Variants in RGS6 observed in about 807,000 individuals in gnomAD.
RGS6 encodes regulator of G-protein signaling 6.
A neutral mutation model predicts 78.5 loss-of-function variants in RGS6; 30 were observed. The ratio of observed to expected loss-of-function variants is 0.38; its 90% confidence interval spans 0.29 to 0.52. The LOEUF is 0.52. Among genes scored for constraint, RGS6 ranks in the 20% least tolerant of loss-of-function variants. RGS6 has a pLI of 0.85. For synonymous variants in RGS6, 206 were observed against 206.0 expected (o/e 1.00, Z 0.00); for missense variants, 495 against 609.7 (o/e 0.81, Z 1.98).
intron 2 of RGS6, among the ~76,000 whole-genome samples, chr14:72,190,035 A>T (rs2097302519): frequency 6.6e-6 from 1 of 152,160 alleles, no homozygotes; most frequent in South Asian, 2.1e-4. Flanking sequence ...ACTTTCCCAG[A>T]CAACCTATCC....
chr14:71,950,636 C>A (rs565984167), intron 1 of RGS6, among the ~76,000 whole-genome samples: 15 of 152,258 alleles, frequency 9.9e-5, no homozygotes, highest in African/African-American at 3.1e-4. Flanking sequence ...AGGCAGCCTA[C>A]AGAATGGGAG....
At chr14:72,069,423 C>G (rs1197417311) in intron 2 of RGS6, among the ~76,000 whole-genome samples, 1 of 152,182 alleles carries the variant, frequency 6.6e-6, no homozygotes, top group African/African-American at 2.4e-5. Context: ...AGTATCTTTT[C>G]TTCCTCCTAA....
rs150098812 is a variant in RGS6 at position 72,130,434 on chromosome 14, C to T, written c.84+165559C>T. ...AGGTCAGGGACAAGGTTGAAAGTTC[C>T]TCTAATTATGTATCCATGTGGCTGG... On this transcript the variant is annotated intron_variant, in intron 2 of 17. Coordinates refer to ENST00000553525, the MANE Select transcript of RGS6 (RefSeq NM_001204424.2). Among the ~76,000 whole-genome samples, 961 of 152,272 alleles carry T rather than the reference C, an allele frequency of 6.3e-3. 9 individuals carry two copies. The highest frequency in any genetic ancestry group is 0.021 in the African/African-American group (866 of 41,558).
intron 3 of RGS6, among the ~76,000 whole-genome samples, chr14:72,355,164 C>CA (rs932480416): frequency 2.0e-5 from 3 of 150,634 alleles, no homozygotes; most frequent in African/African-American, 7.3e-5. Context: ...TATGTAATTT[C>CA]AATTATTTTT....
At chr14:72,194,946 C>T (rs997281706) in intron 2 of RGS6, among the ~76,000 whole-genome samples, 1 of 152,118 alleles carries the variant, frequency 6.6e-6, no homozygotes, top group African/African-American at 2.4e-5. Flanking sequence ...GTGGCTCACA[C>T]CTGTCAATCC....
the RGS6 span, among the ~76,000 whole-genome samples, chr14:72,618,303 C>T: frequency 6.6e-6 from 1 of 152,190 alleles, no homozygotes; most frequent in African/African-American, 2.4e-5. Context: ...TTCAGAGCGT[C>T]GCATCAATAC....
chr14:72,077,572 C>G (rs990881324), intron 2 of RGS6, among the ~76,000 whole-genome samples: 1 of 152,146 alleles, frequency 6.6e-6, no homozygotes, highest in African/African-American at 2.4e-5. Flanking sequence ...TTACTAAACA[C>G]TCTTGCCTAA....
At chr14:71,968,783 G>T (rs994359693) in intron 2 of RGS6, among the ~76,000 whole-genome samples, 1 of 152,164 alleles carries the variant, frequency 6.6e-6, no homozygotes, top group Non-Finnish European at 1.5e-5. Flanking sequence ...TGACTTTCAT[G>T]TTTCTTCTGG....
At chr14:71,947,671 A>T (rs72735911) in intron 1 of RGS6, among the ~76,000 whole-genome samples, 4,625 of 152,300 alleles carry the variant, frequency 0.03, 111 homozygotes, top group Middle Eastern at 0.068. Flanking sequence ...TATTGTAGAG[A>T]CAGGGTTTCA....
intron 2 of RGS6, among the ~76,000 whole-genome samples, chr14:72,019,773 T>C (rs1473100840): frequency 1.3e-5 from 2 of 152,186 alleles, no homozygotes; most frequent in African/African-American, 4.8e-5. Flanking sequence ...TATAGATGGC[T>C]GACATTTTAA....
chr14:72,157,641 G>A (rs1248977097), intron 2 of RGS6, among the ~76,000 whole-genome samples: 2 of 152,166 alleles, frequency 1.3e-5, no homozygotes, highest in African/African-American at 4.8e-5. Context: ...TTTCCTGGAG[G>A]CAGTGGGGGA....
chr14:72,051,036 A>C (rs900276102), intron 2 of RGS6, among the ~76,000 whole-genome samples: 1 of 152,162 alleles, frequency 6.6e-6, no homozygotes. Context: ...TTATCCATGT[A>C]CATCTTTTGA....
intron 3 of RGS6, among the ~76,000 whole-genome samples, chr14:72,391,936 T>C (rs1221747586): frequency 6.6e-6 from 1 of 152,254 alleles, no homozygotes; most frequent in African/African-American, 2.4e-5. Context: ...ACTCATCCTT[T>C]TTTATGGCTG....
chr14:71,955,972 G>C (rs2092757547), intron 1 of RGS6, among the ~76,000 whole-genome samples: 1 of 152,182 alleles, frequency 6.6e-6, no homozygotes, highest in African/African-American at 2.4e-5. Context: ...CTTGCCTTCT[G>C]CTGGCTTCCA....
At chr14:72,472,739 G>T in intron 8 of RGS6, 133 bp from the exon 9 acceptor site, 6 of 661,828 alleles carry the variant, frequency 9.1e-6, no homozygotes, top group Non-Finnish European at 1.6e-5. Flanking sequence ...TCTGCAGAGA[G>T]CAGGCACCAT....
At chr14:72,498,210 C>T (rs1333478534) in intron 13 of RGS6, among the ~76,000 whole-genome samples, 1 of 152,110 alleles carries the variant, frequency 6.6e-6, no homozygotes, top group Non-Finnish European at 1.5e-5. Context: ...ATGTTACTCC[C>T]CCTGGAGATG....
chr14:72,296,424 C>T (rs1207473832), intron 2 of RGS6, among the ~76,000 whole-genome samples: 1 of 152,206 alleles, frequency 6.6e-6, no homozygotes, highest in Non-Finnish European at 1.5e-5. Flanking sequence ...AGAGTTTTCA[C>T]AATTATCCAT....
chr14:71,899,175 G>GA, the RGS6 span, among the ~76,000 whole-genome samples: 4 of 152,022 alleles, frequency 2.6e-5, no homozygotes, highest in African/African-American at 9.7e-5. Context: ...GTTGACTATA[G>GA]AAAAAATAAG....
intron 2 of RGS6, among the ~76,000 whole-genome samples, chr14:72,261,631 C>G (rs1000338142): frequency 6.6e-6 from 1 of 152,048 alleles, no homozygotes; most frequent in Non-Finnish European, 1.5e-5. Context: ...ATTCAATGAA[C>G]CAGTTACCAA....
Sources: gnomAD v4.1 joint callset for allele counts (sites outside exome capture counted in the v4.1 genomes callset) on GRCh38, gnomAD v4.1.1 for gene constraint, MANE v1.5 for transcripts, NCBI Gene and HGNC (gene_info 2026-07-23, HGNC 2026-07-21) for gene names.